IFT43: variants seen among roughly 807,000 people sequenced by gnomAD.
IFT43 encodes the protein intraflagellar transport 43, also known as intraflagellar transport protein 43 homolog.
Under a neutral mutation model 32.3 loss-of-function variants are expected in IFT43, and 33 were observed. The observed-to-expected ratio is 1.02, with a 90% CI of 0.77 to 1.37. The LOEUF is 1.37. Among genes scored for constraint, IFT43 ranks in the 40% most tolerant of loss-of-function variants. IFT43 has a pLI of 0.00. For missense variants in IFT43, 274 were observed against 265.9 expected (o/e 1.03, Z -0.21); for synonymous variants, 93 against 98.2 (o/e 0.95, Z 0.31).
At chr14:75,993,697 C>T (rs959234034) in intron 2 of IFT43, among the ~76,000 whole-genome samples, 1 of 152,224 alleles carries the variant, frequency 6.6e-6, no homozygotes, top group African/African-American at 2.4e-5. Flanking sequence ...GCATGTCCTG[C>T]ATTACTCTAG....
At chr14:76,080,650 G>A (rs1267699465) in intron 5 of IFT43, among the ~76,000 whole-genome samples, 1 of 152,172 alleles carries the variant, frequency 6.6e-6, no homozygotes, top group African/African-American at 2.4e-5. Context: ...ATGGTGCGTG[G>A]CACAGCCAGC....
At chr14:76,020,023 G>A (rs1055069007) in intron 2 of IFT43, among the ~76,000 whole-genome samples, 2 of 151,844 alleles carry the variant, frequency 1.3e-5, no homozygotes, top group African/African-American at 4.8e-5. Flanking sequence ...TTGCCAGGCT[G>A]GAGTATAGTG....
chr14:76,036,222 C>T (rs1470699019), intron 3 of IFT43, among the ~76,000 whole-genome samples: 1 of 152,124 alleles, frequency 6.6e-6, no homozygotes, highest in African/African-American at 2.4e-5. Context: ...ATATCCAGGT[C>T]ATATTGAGTT....
intron 5 of IFT43, among the ~76,000 whole-genome samples, chr14:76,074,982 G>T (rs2037387555): frequency 6.6e-6 from 1 of 152,136 alleles, no homozygotes; most frequent in Non-Finnish European, 1.5e-5. Flanking sequence ...TTTTTCCCCA[G>T]CAGTATCAGG....
chr14:75,989,080 C>CA, intron 2 of IFT43, 103 bp downstream of exon 2: 1 of 1,357,974 alleles, frequency 7.4e-7, no homozygotes, highest in African/African-American at 1.4e-5. Context: ...TCTTGAATGC[C>CA]AACCCTTTCT....
rs555366548 is a variant in IFT43 at position 76,060,179 on chromosome 14, A to G, written c.295+806A>G. Among the ~76,000 whole-genome samples the G allele has an allele frequency of 1.8e-3, 277 of 152,244 alleles. 2 individuals are homozygous for G. The highest frequency in any genetic ancestry group is 6.4e-3 in the African/African-American group (267 of 41,550). Reference sequence around the variant, plus strand: ...GTCTCTAAAATGAAGCCTTCTAGGGAGGAGATTACGTAGGGGATCCAAATT... The same window carrying G: ...GTCTCTAAAATGAAGCCTTCTAGGGGGGAGATTACGTAGGGGATCCAAATT... On this transcript the variant is annotated intron_variant, in intron 5 of 8. Transcript: ENST00000314067.
chr14:76,078,650 G>C (rs561934035), intron 5 of IFT43, among the ~76,000 whole-genome samples: 1 of 152,352 alleles, frequency 6.6e-6, no homozygotes, highest in South Asian at 2.1e-4. Context: ...TCAAGGCAGG[G>C]AGCAGTGCAC....
At chr14:76,055,971 A>G (rs1291411154) in intron 3 of IFT43, among the ~76,000 whole-genome samples, 1 of 152,220 alleles carries the variant, frequency 6.6e-6, no homozygotes, top group East Asian at 1.9e-4. Flanking sequence ...AGGTTCATCC[A>G]CTGCACGTCC....
At chr14:76,044,660 C>T (rs190681575) in intron 3 of IFT43, among the ~76,000 whole-genome samples, 1 of 152,190 alleles carries the variant, frequency 6.6e-6, no homozygotes, top group Non-Finnish European at 1.5e-5. Flanking sequence ...GGAGTCCCCC[C>T]ATTCATCTAT....
chr14:76,072,905 C>G (rs983021276), intron 5 of IFT43, among the ~76,000 whole-genome samples: 1 of 152,156 alleles, frequency 6.6e-6, no homozygotes, highest in African/African-American at 2.4e-5. Flanking sequence ...CATGGTGTTT[C>G]AGCTTTCAGG....
chr14:75,989,155 T>C (rs2139861027), intron 2 of IFT43, among the ~76,000 whole-genome samples, 178 bp downstream of exon 2: 1 of 152,344 alleles, frequency 6.6e-6, no homozygotes, highest in Non-Finnish European at 1.5e-5. Flanking sequence ...GGAAGAACTT[T>C]TTTTCCTTGA....
intron 3 of IFT43, among the ~76,000 whole-genome samples, chr14:76,043,683 C>T (rs2036750239): frequency 6.6e-6 from 1 of 152,192 alleles, no homozygotes; most frequent in Non-Finnish European, 1.5e-5. Flanking sequence ...TCCTACTATA[C>T]CCTCAGTGCT....
At chr14:76,060,832 T>G (rs200459796) in intron 5 of IFT43, among the ~76,000 whole-genome samples, 1 of 79,214 alleles carries the variant, frequency 1.3e-5, no homozygotes, top group East Asian at 5.7e-4. Context: ...CTCCCTTTCT[T>G]CCTTCCTTCC....
chr14:76,048,358 G>T (rs2036848874), intron 3 of IFT43, among the ~76,000 whole-genome samples: 1 of 152,214 alleles, frequency 6.6e-6, no homozygotes, highest in African/African-American at 2.4e-5. Flanking sequence ...TGCTAAGGGG[G>T]ACCTGCTGCT....
rs778664254 is a variant in IFT43 at position 76,059,402 on chromosome 14, GTCT to G, written c.295+33_295+35del. 2.5e-6 allele frequency: 4 copies of G among 1,607,528 alleles called. No homozygotes were observed. The South Asian group carries it at 4.4e-5, about 18-fold the overall frequency. ...AGAGGCCCTTGGAGGAAGTCAAAAGGTCTTCTAGAGAGGCCCCAGAACATTTCC... is the reference window on the plus strand; with the variant it reads ...AGAGGCCCTTGGAGGAAGTCAAAAGGTCTAGAGAGGCCCCAGAACATTTCC... On this transcript the variant is annotated intron_variant, in intron 5 of 8. Coordinates refer to ENST00000314067, the MANE Select transcript of IFT43 (RefSeq NM_001102564.3).
chr14:76,065,813 G>A (rs912661896), intron 5 of IFT43, among the ~76,000 whole-genome samples: 1 of 152,164 alleles, frequency 6.6e-6, no homozygotes, highest in African/African-American at 2.4e-5. Flanking sequence ...TTTAAGAGAT[G>A]GGATCTATGT....
Position 76,076,533 on chromosome 14 carries a change from G to A in IFT43, c.296-5762G>A, listed in dbSNP as rs1020183360. 21 of 1,605,790 alleles carry A rather than the reference G, an allele frequency of 1.3e-5. No homozygotes were observed. The Middle Eastern group carries it at 2.2e-3, about 165-fold the overall frequency. ...GATTTATACTCCAGGTGAAGAGCTG[G>A]GTAGTGCTTGGGGTATACTCATTGC... On this transcript the variant is annotated intron_variant, in intron 5 of 8. Coordinates refer to ENST00000314067, the MANE Select transcript of IFT43 (RefSeq NM_001102564.3).
chr14:76,027,140 T>A (rs1339459960), intron 3 of IFT43, among the ~76,000 whole-genome samples: 1 of 152,102 alleles, frequency 6.6e-6, no homozygotes, highest in Non-Finnish European at 1.5e-5. Flanking sequence ...GTACTAGGCT[T>A]AATGTCAGGG....
At chr14:76,010,549 A>G (rs552396214) in intron 2 of IFT43, among the ~76,000 whole-genome samples, 2 of 152,228 alleles carry the variant, frequency 1.3e-5, no homozygotes, top group South Asian at 4.1e-4. Flanking sequence ...CCATTTTGCC[A>G]TATTTGCTTA....
Sources: gnomAD v4.1 joint callset for allele counts (sites outside exome capture counted in the v4.1 genomes callset) on GRCh38, gnomAD v4.1.1 for gene constraint, MANE v1.5 for transcripts, NCBI Gene and HGNC (gene_info 2026-07-23, HGNC 2026-07-21) for gene names.